The following ASTN2 variants were observed in gnomAD, a reference collection of about 807,000 sequenced individuals.
The protein encoded by ASTN2 is astrotactin 2.
ASTN2 carries 54 observed loss-of-function variants against 139.8 expected under a neutral mutation model. The ratio of observed to expected loss-of-function variants is 0.39; its 90% CI spans 0.31 to 0.48. ASTN2 has a LOEUF of 0.48. ASTN2 is among the 20% of genes least tolerant of loss of function. The pLI is 0.95. For synonymous variants in ASTN2, 756 were observed against 719.5 expected, an observed-to-expected ratio of 1.05 and a Z score of -0.81; for missense variants, 1,565 against 1,725.1, an observed-to-expected ratio of 0.91 and a Z score of 1.64.
At chr9:116,650,116 CTAGACT>C (rs984983364) in intron 17 of ASTN2, among the ~76,000 whole-genome samples, 3 of 152,160 alleles carry the variant, frequency 2.0e-5, no homozygotes, top group African/African-American at 7.2e-5. Flanking sequence ...TAGAGTTCTA[CTAGACT>C]TAGTCAGTGG....
intron 2 of ASTN2, among the ~76,000 whole-genome samples, chr9:117,280,795 C>T (rs1269520262): frequency 6.6e-6 from 1 of 152,110 alleles, no homozygotes. Flanking sequence ...TGTAAAGTCA[C>T]TATTTTCCTT....
intron 19 of ASTN2, among the ~76,000 whole-genome samples, chr9:116,566,554 G>A (rs948217293): frequency 2.0e-5 from 3 of 152,186 alleles, no homozygotes; most frequent in African/African-American, 7.2e-5. Context: ...ATTTCTAAAG[G>A]TATATGTAGT....
At position 116,821,170 on chromosome 9, in the gene ASTN2, G is replaced by A. The variant is rs1588321228; in HGVS notation, c.2041-387C>T. 2.0e-5 allele frequency among the ~76,000 whole-genome samples: 3 copies of A among 152,214 alleles called. No homozygotes were observed. The South Asian group carries it at 6.2e-4, about 32-fold the overall frequency. On this transcript the variant is annotated intron_variant, in intron 11 of 22. Coordinates refer to ENST00000313400, the MANE Select transcript of ASTN2 (RefSeq NM_001365068.1). ...TGCCCTATAGGGTCTACTGCTAGAA[G>A]GGTCACATAGGGAGGCTGCCAGATA... is the stretch of plus-strand genomic sequence containing the variant.
chr9:116,964,018 C>T (rs1186769913), intron 10 of ASTN2, among the ~76,000 whole-genome samples: 2 of 152,126 alleles, frequency 1.3e-5, no homozygotes, highest in Non-Finnish European at 2.9e-5. Flanking sequence ...TGTTGCTTTT[C>T]TGGAACTTTC....
intron 3 of ASTN2, among the ~76,000 whole-genome samples, chr9:117,177,160 C>G (rs1473320268): frequency 6.6e-6 from 1 of 152,154 alleles, no homozygotes; most frequent in African/African-American, 2.4e-5. Context: ...CAGCCTCACC[C>G]AGACCCTCTA....
chr9:116,610,039 AATAAAAGATGGG>A (rs751735348), intron 19 of ASTN2, among the ~76,000 whole-genome samples: 5 of 152,154 alleles, frequency 3.3e-5, no homozygotes, highest in Non-Finnish European at 7.3e-5. Context: ...AAAGAAGAGA[AATAAAAGATGGG>A]ATAATATTTA....
At position 116,845,361 on chromosome 9, in the gene ASTN2, C is replaced by T. The variant is rs530467589; in HGVS notation, c.2040+18222G>A. 2.5e-3 allele frequency among the ~76,000 whole-genome samples: 374 copies of T among 152,222 alleles called. 1 individual carries two copies. Among genetic ancestry groups the T allele is most frequent in the African/African-American group, 8.7e-3 (360 of 41,540 alleles). Reference sequence around the variant, plus strand: ...GTCTCGGTCTCCTGACCTCGTGATCCGCCCGCCTCGGCCTCCCAAACGTAC... The same window carrying T: ...GTCTCGGTCTCCTGACCTCGTGATCTGCCCGCCTCGGCCTCCCAAACGTAC... On this transcript the variant is annotated intron_variant, in intron 11 of 22. Coordinates refer to ENST00000313400, the MANE Select transcript of ASTN2 (RefSeq NM_001365068.1).
intron 10 of ASTN2, among the ~76,000 whole-genome samples, chr9:116,954,956 T>A (rs1588438604): frequency 6.6e-6 from 1 of 152,214 alleles, no homozygotes; most frequent in African/African-American, 2.4e-5. Flanking sequence ...AAGTAATGGT[T>A]ATATGTGCCA....
intron 13 of ASTN2, among the ~76,000 whole-genome samples, chr9:116,750,271 A>T (rs1283527298): frequency 1.3e-5 from 2 of 152,252 alleles, no homozygotes; most frequent in Non-Finnish European, 2.9e-5. Flanking sequence ...TCCTTGTAGT[A>T]GTTAGAAATA....
At chr9:117,296,235 G>GCCA in intron 1 of ASTN2, among the ~76,000 whole-genome samples, 1 of 143,780 alleles carries the variant, frequency 7.0e-6, no homozygotes, top group African/African-American at 2.7e-5. Context: ...CTGAGATGGT[G>GCCA]CCACTGCACT....
chr9:117,055,609 T>C (rs751761402), intron 5 of ASTN2, among the ~76,000 whole-genome samples: 2 of 152,190 alleles, frequency 1.3e-5, no homozygotes, highest in Non-Finnish European at 2.9e-5. Flanking sequence ...TATCAGAGGA[T>C]ATTTACACGA....
intron 19 of ASTN2, among the ~76,000 whole-genome samples, chr9:116,542,752 T>C (rs576584046): frequency 6.6e-6 from 1 of 150,834 alleles, no homozygotes; most frequent in African/African-American, 2.4e-5. Context: ...GAGAAGCCCT[T>C]CCAAAAATAC....
intron 5 of ASTN2, among the ~76,000 whole-genome samples, chr9:117,060,585 C>CAGGCAGGCAGGAAGGAAGGA (rs373697206): frequency 0.087 from 11,500 of 131,710 alleles, 789 homozygotes; most frequent in East Asian, 0.17. Flanking sequence ...GGAAAGAAGG[C>CAGGCAGGCAGGAAGGAAGGA]AGGAAGGAAG....
At chr9:117,100,059 C>A (rs915259920) in intron 4 of ASTN2, among the ~76,000 whole-genome samples, 1 of 152,182 alleles carries the variant, frequency 6.6e-6, no homozygotes, top group African/African-American at 2.4e-5. Context: ...ATATGTTGAC[C>A]ACTAAGGATT....
chr9:116,586,827 T>TACACAC (rs1491353959), intron 19 of ASTN2, among the ~76,000 whole-genome samples: 310 of 136,520 alleles, frequency 2.3e-3, no homozygotes, highest in Non-Finnish European at 4.0e-3. Context: ...CACACACACA[T>TACACAC]ACATACACAC....
chr9:116,650,473 T>C (rs909395688), intron 17 of ASTN2, among the ~76,000 whole-genome samples: 2 of 152,204 alleles, frequency 1.3e-5, no homozygotes, highest in African/African-American at 4.8e-5. Context: ...TTAATATCTT[T>C]GAGGTTTCCT....
chr9:116,875,127 G>A (rs1215372458), intron 10 of ASTN2, among the ~76,000 whole-genome samples: 2 of 152,296 alleles, frequency 1.3e-5, no homozygotes, highest in South Asian at 2.1e-4. Flanking sequence ...ATTAAGTTTA[G>A]TGAGGAAGGT....
At chr9:116,991,495 C>T (rs981803435) in intron 7 of ASTN2, among the ~76,000 whole-genome samples, 22 of 151,362 alleles carry the variant, frequency 1.5e-4, no homozygotes, top group Admixed American at 5.3e-4. Context: ...ATATGTTGAA[C>T]ACATATCTTT....
At chr9:116,694,154 A>AT (rs1396319949) in intron 16 of ASTN2, among the ~76,000 whole-genome samples, 1 of 152,118 alleles carries the variant, frequency 6.6e-6, no homozygotes, top group Admixed American at 6.6e-5. Context: ...TAGTAAATTC[A>AT]TTTTTTTAAA....
Sources: gnomAD v4.1 joint callset for allele counts (sites outside exome capture counted in the v4.1 genomes callset) on GRCh38, gnomAD v4.1.1 for gene constraint, MANE v1.5 for transcripts, NCBI Gene and HGNC (gene_info 2026-07-23, HGNC 2026-07-21) for gene names.